PLD1: variants seen among roughly 807,000 people sequenced by gnomAD.
The protein encoded by PLD1 is choline phosphatase 1.
A neutral mutation model predicts 137.1 loss-of-function variants in PLD1; 112 were observed. The observed-to-expected ratio is 0.82, with a 90% CI of 0.70 to 0.96. The LOEUF is 0.96. PLD1 is among the 40% of genes least tolerant of loss of function. PLD1 has a pLI of 0.00. For missense variants in PLD1, 1,321 were observed against 1,342.0 expected, an observed-to-expected ratio of 0.98 and a Z score of 0.24; for synonymous variants, 431 against 454.7, an observed-to-expected ratio of 0.95 and a Z score of 0.66.
At chr3:171,677,479 C>G (rs1394791854) in intron 17 of PLD1, 87 bp downstream of exon 17, 1 of 1,298,634 alleles carries the variant, frequency 7.7e-7, no homozygotes, top group East Asian at 2.4e-5. Flanking sequence ...AAACAAAAGG[C>G]ATTTAGATCA....
chr3:171,714,265 A>AT (rs1473925350), intron 8 of PLD1, among the ~76,000 whole-genome samples: 1 of 152,166 alleles, frequency 6.6e-6, no homozygotes, highest in African/African-American at 2.4e-5. Flanking sequence ...GTACCAAGTA[A>AT]TTCACAGTAA....
intron 8 of PLD1, among the ~76,000 whole-genome samples, chr3:171,720,836 A>AT (rs1168342931): frequency 6.6e-6 from 1 of 152,130 alleles, no homozygotes; most frequent in Non-Finnish European, 1.5e-5. Flanking sequence ...AAGAGGGGGC[A>AT]TATTTATTTT....
intron 19 of PLD1, among the ~76,000 whole-genome samples, chr3:171,666,792 A>G (rs967140661): frequency 6.6e-6 from 1 of 152,236 alleles, no homozygotes; most frequent in Non-Finnish European, 1.5e-5. Flanking sequence ...ACGAGTTTGA[A>G]TACATAATTT....
At chr3:171,708,653 C>T in intron 11 of PLD1, 102 bp downstream of exon 11, 1 of 670,170 alleles carries the variant, frequency 1.5e-6, no homozygotes, top group Non-Finnish European at 2.7e-6. Context: ...TCCACAGATA[C>T]AGCTGATTTT....
intron 11 of PLD1, among the ~76,000 whole-genome samples, chr3:171,704,459 A>G (rs1001562277): frequency 2.7e-5 from 2 of 72,736 alleles, no homozygotes; most frequent in African/African-American, 1.1e-4. Flanking sequence ...AAGAACCAGG[A>G]AAAAAAAAAA....
At chr3:171,664,597 A>T (rs969955830) in intron 19 of PLD1, among the ~76,000 whole-genome samples, 3 of 151,222 alleles carry the variant, frequency 2.0e-5, no homozygotes, top group Non-Finnish European at 4.4e-5. Context: ...AGCTGGGATT[A>T]CAGGTGTGTG....
chr3:171,718,363 G>A (rs867986368), intron 8 of PLD1, among the ~76,000 whole-genome samples: 3 of 152,094 alleles, frequency 2.0e-5, no homozygotes, highest in Admixed American at 1.3e-4. Flanking sequence ...AGGACCAGGC[G>A]GATTCACACT....
intron 1 of PLD1, among the ~76,000 whole-genome samples, chr3:171,768,888 G>T (rs570486824): frequency 6.6e-6 from 1 of 152,304 alleles, no homozygotes; most frequent in Non-Finnish European, 1.5e-5. Context: ...AAATTAGATG[G>T]TATGTTATGA....
At chr3:171,647,805 A>T (rs1022623465) in intron 21 of PLD1, among the ~76,000 whole-genome samples, 3 of 152,160 alleles carry the variant, frequency 2.0e-5, no homozygotes, top group Admixed American at 2.0e-4. Flanking sequence ...TACAACTATC[A>T]TAATGATCTA....
At chr3:171,774,124 A>C (rs1205283668) in intron 1 of PLD1, among the ~76,000 whole-genome samples, 1 of 152,208 alleles carries the variant, frequency 6.6e-6, no homozygotes, top group East Asian at 1.9e-4. Context: ...ACACAGTTAG[A>C]GACAGAGCTG....
intron 19 of PLD1, among the ~76,000 whole-genome samples, chr3:171,663,044 G>T (rs114819183): frequency 1.3e-5 from 2 of 152,130 alleles, no homozygotes; most frequent in Non-Finnish European, 2.9e-5. Context: ...TAAACCCATC[G>T]AAGTGGAGCT....
intron 1 of PLD1, among the ~76,000 whole-genome samples, chr3:171,767,136 G>A (rs1722030292): frequency 6.6e-6 from 1 of 152,184 alleles, no homozygotes. Flanking sequence ...AAAAGTCCAA[G>A]TTCCTAGCTT....
At chr3:171,623,697 G>C (rs1733842534) in intron 23 of PLD1, among the ~76,000 whole-genome samples, 1 of 151,926 alleles carries the variant, frequency 6.6e-6, no homozygotes, top group Admixed American at 6.6e-5. Flanking sequence ...TAAATAGACA[G>C]ATACACCAGT....
At chr3:171,682,298 C>T (rs144676619) in intron 16 of PLD1, among the ~76,000 whole-genome samples, 1 of 152,166 alleles carries the variant, frequency 6.6e-6, no homozygotes, top group East Asian at 1.9e-4. Context: ...TTTTGAAAAA[C>T]ATATATTTCA....
rs142109901 is a variant in PLD1 at position 171,647,669 on chromosome 3, G to A, written c.2430-2646C>T. On this transcript the variant is annotated intron_variant, in intron 21 of 26. Transcript: ENST00000351298. Reference sequence around the variant, plus strand: ...TCTCCATGTTGGTCAGGCTGGTCTCGAACTCCTGACCTCAGGTGATCCGCC... The same window carrying A: ...TCTCCATGTTGGTCAGGCTGGTCTCAAACTCCTGACCTCAGGTGATCCGCC... Among the ~76,000 whole-genome samples, 887 of 152,120 alleles carry A rather than the reference G, an allele frequency of 5.8e-3. 5 individuals carry two copies. Among genetic ancestry groups the A allele is most frequent in the African/African-American group, 0.02 (850 of 41,500 alleles).
At chr3:171,620,742 C>CTATATA (rs869115087) in intron 23 of PLD1, among the ~76,000 whole-genome samples, 429 of 94,696 alleles carry the variant, frequency 4.5e-3, no homozygotes, top group East Asian at 8.8e-3. Context: ...CTCTCTCTCT[C>CTATATA]TATATATATA....
intron 4 of PLD1, among the ~76,000 whole-genome samples, 169 bp from the exon 5 acceptor site, chr3:171,735,139 T>C (rs1346870811): frequency 6.6e-6 from 1 of 152,206 alleles, no homozygotes. Context: ...TTTTTATTTA[T>C]TTATTTTAAA....
chr3:171,711,352 G>T (rs1161175573), intron 9 of PLD1, among the ~76,000 whole-genome samples: 1 of 150,826 alleles, frequency 6.6e-6, no homozygotes, highest in East Asian at 2.0e-4. Context: ...TGTATTTTTA[G>T]TAGCGACAGG....
At chr3:171,634,865 C>T (rs764452705) in intron 23 of PLD1, among the ~76,000 whole-genome samples, 1 of 152,000 alleles carries the variant, frequency 6.6e-6, no homozygotes, top group Non-Finnish European at 1.5e-5. Flanking sequence ...CAACCATCAC[C>T]ACCACCTAAT....
Sources: allele counts gnomAD v4.1 joint callset (sites outside exome capture counted in the v4.1 genomes callset), GRCh38; gene constraint gnomAD v4.1.1; transcripts MANE v1.5; gene names NCBI Gene and HGNC (gene_info 2026-07-23, HGNC 2026-07-21).